The following R3HCC1 variants were observed in gnomAD, a reference collection of about 807,000 sequenced individuals.
R3HCC1 encodes R3H domain and coiled-coil containing 1.
A neutral mutation model predicts 40.0 loss-of-function variants in R3HCC1; 32 were observed. The observed-to-expected ratio is 0.80, with a 90% confidence interval of 0.60 to 1.07. The LOEUF is 1.07. R3HCC1 is among the 50% of genes least tolerant of loss of function. The pLI, the probability that R3HCC1 is intolerant of heterozygous loss-of-function variation, is 0.00. For missense variants in R3HCC1, 586 were observed against 563.3 expected (o/e 1.04, Z -0.41); for synonymous variants, 237 against 232.8 (o/e 1.02, Z -0.17).
At chr8:23,295,618 CGTAG>C (rs1802992924) in intron 7 of R3HCC1, 1 of 460,750 alleles carries the variant, frequency 2.2e-6, no homozygotes, top group Non-Finnish European at 4.1e-6. Flanking sequence ...ATATCCTGTC[CGTAG>C]GTCTGTGAGC....
chr8:23,295,212 C>T (rs923045174), intron 7 of R3HCC1, among the ~76,000 whole-genome samples: 4 of 152,060 alleles, frequency 2.6e-5, no homozygotes, highest in African/African-American at 4.8e-5. Context: ...CCCATAGGGC[C>T]GGGAAGGGCC....
At chr8:23,291,225 A>G (rs1178855191) in intron 4 of R3HCC1, 136 bp from the exon 5 acceptor site, 2 of 1,290,988 alleles carry the variant, frequency 1.5e-6, no homozygotes, top group South Asian at 1.6e-5. Flanking sequence ...CTTGCAGCCC[A>G]GTCTGCCTGC....
At chr8:23,294,625 C>G (rs1379778331) in intron 6 of R3HCC1, 144 bp from the exon 7 acceptor site, 1 of 658,436 alleles carries the variant, frequency 1.5e-6, no homozygotes, top group East Asian at 2.8e-5. Flanking sequence ...GCAGTCGTCT[C>G]TTGCCCATCC....
rs771282511 is a variant in R3HCC1 at position 23,290,138 on chromosome 8, G to A, written c.521G>A (p.Gly174Asp). ...GACCCAGAAGAGCCTGGAGATGTTG[G>A]TGCTGGAGACCCCAACTCTGATCAG... Residue 174 changes from glycine to aspartate, a missense_variant, in exon 4 of 8, where the codon GGT becomes GAT. Physicochemically the swap from Gly to Asp is moderately conservative, Grantham distance 94. Coordinates refer to ENST00000265806, the MANE Select transcript of R3HCC1 (RefSeq NM_001136108.3). The A allele has an allele frequency of 4.0e-5, 62 of 1,551,436 alleles. No homozygotes were observed. Among genetic ancestry groups the A allele is most frequent in the Non-Finnish European group, 5.2e-5 (60 of 1,147,014 alleles).
chr8:23,294,534 C>G (rs1226526227), intron 6 of R3HCC1, among the ~76,000 whole-genome samples: 1 of 152,204 alleles, frequency 6.6e-6, no homozygotes, highest in African/African-American at 2.4e-5. Context: ...TCTCCCTGAC[C>G]AGCCTGGGGT....
chr8:23,289,898 G>A lies in R3HCC1; in HGVS notation c.281G>A (p.Cys94Tyr), dbSNP rs1484182890. Reference sequence around the variant, plus strand: ...AGTTCGGATGGCCTCTCTGGCCCCTGCCGCGCTCCTGCCTCCTGCCCCAGC... The same window carrying A: ...AGTTCGGATGGCCTCTCTGGCCCCTACCGCGCTCCTGCCTCCTGCCCCAGC... The change falls in exon 4 of 8, where the codon TGC (cysteine) becomes TAC (tyrosine). Residue 94 changes from cysteine (C) to tyrosine (Y), a missense_variant. By Grantham distance (194) the Cys-to-Tyr change is radical. Transcript: ENST00000265806. 6.5e-7 allele frequency: 1 copy of A among 1,530,636 alleles called. No individual in the cohort carries two copies. Among genetic ancestry groups the A allele is most frequent in the East Asian group, 2.4e-5 (1 of 40,876 alleles). The allele number at this position is 1,530,636 out of a possible 1,614,324, so 94.8% of individuals were successfully genotyped here.
intron 3 of R3HCC1, 81 bp from the exon 4 acceptor site, chr8:23,289,785 C>T (rs1008524971): frequency 7.0e-7 from 1 of 1,435,516 alleles, no homozygotes; most frequent in Non-Finnish European, 9.1e-7. Context: ...AATGTCTCTC[C>T]TGAATGACAA....
intron 4 of R3HCC1, chr8:23,291,124 G>A (rs184682225): frequency 9.3e-6 from 4 of 428,154 alleles, no homozygotes; most frequent in African/African-American, 5.8e-5. Context: ...GGATTCTATG[G>A]AACATTATGT....
At chr8:23,291,325 C>A in intron 4 of R3HCC1, 36 bp from the exon 5 acceptor site, 1 of 1,537,264 alleles carries the variant, frequency 6.5e-7, no homozygotes, top group South Asian at 1.2e-5. Flanking sequence ...CTCTGCGTGT[C>A]CAAGCTCCCC....
At position 23,288,601 on chromosome 8, in the gene R3HCC1, G is replaced by A; in HGVS notation, c.78G>A (p.Leu26=). Residue 26 remains leucine, a synonymous_variant, in exon 2 of 8, where the codon CTG becomes CTA. Coordinates refer to ENST00000265806, the MANE Select transcript of R3HCC1 (RefSeq NM_001136108.3). ...TCGTCCACCGGATCCAGGAGGAACT[G>A]GACCGCTTTCTGCTGCAGAAGCAGC... 6.5e-7 allele frequency: 1 copy of A among 1,536,066 alleles called. No homozygotes were observed. Among genetic ancestry groups the A allele is most frequent in the Non-Finnish European group, 8.7e-7 (1 of 1,146,884 alleles).
intron 3 of R3HCC1, 84 bp downstream of exon 3, chr8:23,289,237 T>G (rs1452995295): frequency 4.1e-6 from 6 of 1,451,316 alleles, no homozygotes; most frequent in East Asian, 2.5e-5. Flanking sequence ...AGGGCAGGGC[T>G]GGGGGGAACC....
intron 4 of R3HCC1, chr8:23,291,104 A>ATTTC: frequency 2.9e-6 from 1 of 347,676 alleles, no homozygotes; most frequent in Non-Finnish European, 5.2e-6. Flanking sequence ...TTTCTAAAAT[A>ATTTC]TAGTTTTCAG....
Position 23,288,707 on chromosome 8 carries a change from C to G in R3HCC1, c.110+74C>G, listed in dbSNP as rs975390686. 85 of 1,506,666 alleles carry G rather than the reference C, an allele frequency of 5.6e-5. No homozygotes were observed. The African/African-American group carries it at 1.0e-3, about 18-fold the overall frequency. 93.3% of individuals were successfully genotyped at this position (1,506,666 alleles called of 1,614,324 possible). A position where few individuals can be genotyped will look rare whatever the true frequency, so the allele number is the denominator to read the frequency against. On this transcript the variant is annotated intron_variant, in intron 2 of 7. Coordinates refer to ENST00000265806, the MANE Select transcript of R3HCC1 (RefSeq NM_001136108.3). ...GTTCCCGAGCCGCCTGTGTGCCCTC[C>G]CCCAGGTGGTGCCTGGCAGCTGGCT...
chr8:23,288,715 G>A, intron 2 of R3HCC1, 82 bp downstream of exon 2: 1 of 1,492,228 alleles, frequency 6.7e-7, no homozygotes. Context: ...TCCCCCAGGT[G>A]GTGCCTGGCA....
rs1375615754 is a variant in R3HCC1 at position 23,295,832 on chromosome 8, G to T, written c.1193-135G>T. ...TCTCATGAGCATCCGGCCACACCAC[G>T]GGCACAGCTGGGCCGAGGCCCCACA... On this transcript the variant is annotated intron_variant, in intron 7 of 7. Transcript: ENST00000265806. 13 of 1,278,170 alleles carry T rather than the reference G, an allele frequency of 1.0e-5. No homozygotes were observed. In the African/African-American group the frequency reaches 1.5e-4, roughly 15 times the overall value. 79.2% of individuals were successfully genotyped at this position (1,278,170 alleles called of 1,614,324 possible).
intron 6 of R3HCC1, 55 bp downstream of exon 6, chr8:23,293,428 A>G: frequency 7.2e-7 from 1 of 1,395,042 alleles, no homozygotes; most frequent in Non-Finnish European, 9.9e-7. Context: ...GAGAGGGAGG[A>G]CCCTTGGTTC....
rs919370785 is a variant in R3HCC1, at chr8:23,296,018, G to A, written c.1244G>A (p.Arg415Gln). 1.3e-5 allele frequency: 20 copies of A among 1,550,694 alleles called. 1 individual carries two copies. The highest frequency in any genetic ancestry group is 9.8e-5 in the Admixed American group (5 of 50,970). Residue 415 changes from arginine to glutamine, a missense_variant, in exon 8 of 8, where the codon CGG (arginine) becomes CAG (glutamine). Coordinates refer to ENST00000265806, the MANE Select transcript of R3HCC1 (RefSeq NM_001136108.3). ...CCACAGACAAATGCGACTGTGGCCC[G>A]GCGGCTGGTGGCCCGGGCCCTGGGA...
intron 3 of R3HCC1, 86 bp from the exon 4 acceptor site, chr8:23,289,778 GTC>G (rs1802818749): frequency 2.8e-6 from 4 of 1,431,618 alleles, no homozygotes; most frequent in Non-Finnish European, 3.7e-6. Flanking sequence ...TGACCCGAAT[GTC>G]TCTCCTGAAT....
chr8:23,291,113 A>T, intron 4 of R3HCC1: 1 of 371,470 alleles, frequency 2.7e-6, no homozygotes, highest in Non-Finnish European at 4.8e-6. Context: ...TATAGTTTTC[A>T]GGATTCTATG....
Sources: gnomAD v4.1 joint callset for allele counts (sites outside exome capture counted in the v4.1 genomes callset) on GRCh38, gnomAD v4.1.1 for gene constraint, MANE v1.5 for transcripts, NCBI Gene and HGNC (gene_info 2026-07-23, HGNC 2026-07-21) for gene names.